The following SAXO1 variants were observed in gnomAD, a reference collection of about 807,000 sequenced individuals.
SAXO1 encodes the protein stabilizer of axonemal microtubules 1.
A neutral mutation model predicts 17.5 loss-of-function variants in SAXO1; 21 were observed. The ratio of observed to expected loss-of-function variants is 1.20; its 90% CI spans 0.85 to 1.72. SAXO1 has a LOEUF of 1.72. Among genes scored for constraint, SAXO1 ranks in the 40% most tolerant of loss-of-function variants. The probability of loss-of-function intolerance (pLI) is 0.00; values close to 1 mark genes in which losing one functional copy is unlikely to be tolerated. For missense variants in SAXO1, 843 were observed against 596.0 expected, an observed-to-expected ratio of 1.41 and a Z score of -4.32; for synonymous variants, 274 against 216.5, an observed-to-expected ratio of 1.27 and a Z score of -2.33.
At chr9:19,028,044 G>A in intron 1 of SAXO1, 4 of 1,611,192 alleles carry the variant, frequency 2.5e-6, no homozygotes, top group Non-Finnish European at 8.5e-7. Context: ...CACTGCGCAG[G>A]GGTGCCACGG....
intron 1 of SAXO1, among the ~76,000 whole-genome samples, chr9:18,963,899 GC>G (rs1458268163): frequency 6.6e-6 from 1 of 152,148 alleles, no homozygotes; most frequent in Non-Finnish European, 1.5e-5. Context: ...TCCAGTTTTT[GC>G]CCATTCAGTA....
At chr9:18,948,425 T>C (rs1478230386) in intron 2 of SAXO1, among the ~76,000 whole-genome samples, 2 of 152,232 alleles carry the variant, frequency 1.3e-5, no homozygotes, top group Admixed American at 1.3e-4. Flanking sequence ...AAGGCCCTTA[T>C]GTTCATTAAC....
chr9:18,929,045 C>T lies in SAXO1; in HGVS notation c.432G>A (p.Leu144=), dbSNP rs1200165758. ...ECLPTYKADY[L]PWNQPRREPL... is the part of the protein sequence containing the mutation. ...GCTCTCGCCTTGGTTGGTTCCAAGGCAAATAATCAGCTGAAATTAAAGCAG... is the reference window on the plus strand; with the variant it reads ...GCTCTCGCCTTGGTTGGTTCCAAGGTAAATAATCAGCTGAAATTAAAGCAG... Residue 144 remains leucine, a synonymous_variant, in exon 4 of 4, where the codon TTG becomes TTA. Coordinates refer to ENST00000380534, the MANE Select transcript of SAXO1 (RefSeq NM_153707.4). 2 of 1,613,446 alleles carry T rather than the reference C, an allele frequency of 1.2e-6. No individual in the cohort carries two copies. Among genetic ancestry groups the T allele is most frequent in the Non-Finnish European group, 8.5e-7 (1 of 1,179,766 alleles).
chr9:19,048,243 T>C (rs890136709), intron 1 of SAXO1, among the ~76,000 whole-genome samples: 28 of 152,160 alleles, frequency 1.8e-4, no homozygotes, highest in Non-Finnish European at 3.8e-4. Flanking sequence ...GGCAGGTGGC[T>C]GGCTTGAGTT....
At position 18,928,575 on chromosome 9, in the gene SAXO1, A is replaced by G. The variant is rs1830887100; in HGVS notation, c.902T>C (p.Met301Thr). 1.2e-6 allele frequency: 2 copies of G among 1,614,116 alleles called. No individual in the cohort carries two copies. The highest frequency in any genetic ancestry group is 2.7e-5 in the African/African-American group (2 of 75,012). Residue 301 changes from methionine to threonine, a missense_variant, in exon 4 of 4, where the codon ATG becomes ACG. Coordinates refer to ENST00000380534, the MANE Select transcript of SAXO1 (RefSeq NM_153707.4). The part of the protein sequence containing the change: ...PITYVPPEDR[M>T]DLLTTVQAHY... ...GGCCTGCACTGTTGTCAGAAGATCC[A>G]TCCTGTCTTCGGGAGGGACGTAGGT...
At chr9:19,020,412 C>G (rs1352426819) in intron 1 of SAXO1, among the ~76,000 whole-genome samples, 1 of 151,086 alleles carries the variant, frequency 6.6e-6, no homozygotes, top group East Asian at 1.9e-4. Flanking sequence ...GGTGCGATCT[C>G]AGCTCACTGC....
At chr9:18,991,546 T>C (rs1312246769) in intron 1 of SAXO1, among the ~76,000 whole-genome samples, 1 of 151,826 alleles carries the variant, frequency 6.6e-6, no homozygotes, top group African/African-American at 2.4e-5. Flanking sequence ...ACAGGGAACA[T>C]CACACCCTGG....
chr9:18,980,837 CTCA>C (rs112906395), intron 1 of SAXO1, among the ~76,000 whole-genome samples: 1,061 of 101,992 alleles, frequency 0.01, 13 homozygotes, highest in African/African-American at 0.039. Flanking sequence ...AAAATAAAAA[CTCA>C]TCGAGAACCC....
At chr9:18,982,224 G>A (rs1267025298) in intron 1 of SAXO1, among the ~76,000 whole-genome samples, 2 of 152,168 alleles carry the variant, frequency 1.3e-5, no homozygotes, top group African/African-American at 4.8e-5. Flanking sequence ...CCCAAATCTA[G>A]AGATAATGCA....
intron 1 of SAXO1, among the ~76,000 whole-genome samples, chr9:19,016,487 A>T (rs1399704291): frequency 6.6e-6 from 1 of 152,196 alleles, no homozygotes. Context: ...TGGCTTGAGA[A>T]TGCCTCTAGC....
chr9:18,960,069 A>G (rs1832421593), intron 1 of SAXO1, among the ~76,000 whole-genome samples: 1 of 152,166 alleles, frequency 6.6e-6, no homozygotes, highest in Non-Finnish European at 1.5e-5. Flanking sequence ...GCAGCAAACG[A>G]TATGTTCAGC....
At chr9:19,025,605 G>A (rs1835439169) in intron 1 of SAXO1, among the ~76,000 whole-genome samples, 2 of 152,120 alleles carry the variant, frequency 1.3e-5, no homozygotes, top group Admixed American at 1.3e-4. Context: ...TCCTCTATGG[G>A]ACTACCTTTT....
At chr9:18,999,159 G>C (rs1455913371) in intron 1 of SAXO1, among the ~76,000 whole-genome samples, 4 of 152,196 alleles carry the variant, frequency 2.6e-5, no homozygotes, top group Non-Finnish European at 5.9e-5. Flanking sequence ...ACACAGACTG[G>C]CAAATTGGAT....
intron 3 of SAXO1, among the ~76,000 whole-genome samples, chr9:18,930,548 G>A (rs868247933): frequency 1.3e-4 from 20 of 151,640 alleles, no homozygotes; most frequent in Middle Eastern, 3.4e-3. Context: ...TGCCCAGGCT[G>A]GAGTGCAATG....
chr9:18,960,993 T>C (rs768774554), intron 1 of SAXO1, among the ~76,000 whole-genome samples: 8 of 152,236 alleles, frequency 5.3e-5, no homozygotes, highest in Non-Finnish European at 7.4e-5. Context: ...GGACTTGGGT[T>C]AAATAGGCAC....
At chr9:18,960,517 C>T (rs1179002991) in intron 1 of SAXO1, among the ~76,000 whole-genome samples, 4 of 152,210 alleles carry the variant, frequency 2.6e-5, no homozygotes, top group Non-Finnish European at 5.9e-5. Context: ...CCCACACATG[C>T]CTGTAATCCC....
chr9:19,027,979 G>T, intron 1 of SAXO1: 1 of 1,556,264 alleles, frequency 6.4e-7, no homozygotes, highest in Non-Finnish European at 8.8e-7. Flanking sequence ...CCGCTGCACA[G>T]ATGACTTCAA....
At chr9:18,936,696 G>A (rs1290306283) in intron 3 of SAXO1, among the ~76,000 whole-genome samples, 1 of 152,172 alleles carries the variant, frequency 6.6e-6, no homozygotes, top group Non-Finnish European at 1.5e-5. Context: ...GGGCCAGAGT[G>A]TCATGTGGGT....
chr9:18,964,884 T>G (rs1832650788), intron 1 of SAXO1, among the ~76,000 whole-genome samples: 1 of 152,252 alleles, frequency 6.6e-6, no homozygotes, highest in African/African-American at 2.4e-5. Flanking sequence ...CTTTCTCCTG[T>G]GTGCATTTGG....
Sources: allele counts gnomAD v4.1 joint callset (sites outside exome capture counted in the v4.1 genomes callset), GRCh38; gene constraint gnomAD v4.1.1; transcripts MANE v1.5; gene names NCBI Gene and HGNC (gene_info 2026-07-23, HGNC 2026-07-21).